Variants in GRIA1 observed in about 807,000 individuals in gnomAD.
GRIA1 encodes glutamate ionotropic receptor AMPA type subunit 1.
A neutral mutation model predicts 99.2 loss-of-function variants in GRIA1; 31 were observed. The observed-to-expected ratio is 0.31, with a 90% CI of 0.23 to 0.42. The LOEUF (loss-of-function observed/expected upper bound fraction) is 0.42, where lower values mean the gene tolerates loss of function less well. GRIA1 is among the 10% of genes least tolerant of loss of function. The pLI is 1.00. For missense variants in GRIA1, 782 were observed against 1,157.5 expected (o/e 0.68, Z 4.71); for synonymous variants, 438 against 432.4 (o/e 1.01, Z -0.16).
At chr5:153,656,496 T>C (rs1754974997) in intron 5 of GRIA1, among the ~76,000 whole-genome samples, 1 of 150,676 alleles carries the variant, frequency 6.6e-6, no homozygotes, top group African/African-American at 2.4e-5. Context: ...AAATCATTTT[T>C]TGTATATATT....
intron 2 of GRIA1, among the ~76,000 whole-genome samples, chr5:153,518,606 G>A (rs1050654483): frequency 6.6e-6 from 1 of 152,168 alleles, no homozygotes; most frequent in African/African-American, 2.4e-5. Context: ...GTATGATAAT[G>A]TATATTATTA....
intron 2 of GRIA1, among the ~76,000 whole-genome samples, chr5:153,522,056 T>C (rs560207961): frequency 2.0e-5 from 3 of 152,370 alleles, no homozygotes; most frequent in Admixed American, 1.3e-4. Context: ...GAGAAAGTGA[T>C]CCTGTAATTA....
intron 2 of GRIA1, among the ~76,000 whole-genome samples, chr5:153,550,618 A>G (rs1039760541): frequency 1.3e-5 from 2 of 152,146 alleles, no homozygotes; most frequent in Non-Finnish European, 2.9e-5. Context: ...TCTTCCTTCA[A>G]TATCAAGGTA....
intron 2 of GRIA1, among the ~76,000 whole-genome samples, chr5:153,547,094 G>A (rs529482839): frequency 7.2e-5 from 11 of 152,274 alleles, no homozygotes; most frequent in Non-Finnish European, 7.4e-5. Context: ...GCCTCAGGCC[G>A]CATGCAGCCC....
intron 11 of GRIA1, among the ~76,000 whole-genome samples, chr5:153,738,809 G>T (rs1007447088): frequency 7.3e-6 from 1 of 136,248 alleles, no homozygotes; most frequent in African/African-American, 2.8e-5. Context: ...CGCAACCTCC[G>T]CCTCCCAGGT....
At chr5:153,726,301 C>T (rs913676270) in intron 11 of GRIA1, among the ~76,000 whole-genome samples, 8 of 148,664 alleles carry the variant, frequency 5.4e-5, no homozygotes, top group African/African-American at 1.5e-4. Context: ...AAGATCCAAA[C>T]TTCACACCCT....
At chr5:153,638,097 T>C (rs1434430623) in intron 2 of GRIA1, among the ~76,000 whole-genome samples, 1 of 152,204 alleles carries the variant, frequency 6.6e-6, no homozygotes, top group Non-Finnish European at 1.5e-5. Flanking sequence ...TTAAAATAGG[T>C]AAATGACTTG....
intron 2 of GRIA1, among the ~76,000 whole-genome samples, chr5:153,586,389 A>G (rs1763485816): frequency 6.6e-6 from 1 of 152,244 alleles, no homozygotes; most frequent in Non-Finnish European, 1.5e-5. Context: ...TTCACCGAGT[A>G]AGGAGACTAA....
rs765944099 is a variant in GRIA1 at position 153,646,956 on chromosome 5, T to C, written c.249T>C (p.Tyr83=). The C allele has an allele frequency of 9.3e-6, 15 of 1,613,722 alleles. No individual in the cohort carries two copies. The Admixed American group carries it at 1.2e-4, about 13-fold the overall frequency. Residue 83 remains tyrosine, a synonymous_variant, in exon 3 of 16, where the codon TAT becomes TAC. Coordinates refer to ENST00000285900, the MANE Select transcript of GRIA1 (RefSeq NM_000827.4). ...GTTCCCAGTTCTCCAAAGGAGTCTATGCCATCTTTGGGTTTTATGAACGTA... is the reference window on the plus strand; with the variant it reads ...GTTCCCAGTTCTCCAAAGGAGTCTACGCCATCTTTGGGTTTTATGAACGTA... ...RFCSQFSKGV[Y]AIFGFYERRT... is the part of the protein sequence containing the mutation.
At chr5:153,722,858 T>A (rs1760179643) in intron 11 of GRIA1, among the ~76,000 whole-genome samples, 2 of 152,164 alleles carry the variant, frequency 1.3e-5, no homozygotes, top group South Asian at 4.2e-4. Flanking sequence ...TTCTGTTGGA[T>A]TAGCAATGAT....
chr5:153,776,028 G>A (rs1764228238), intron 13 of GRIA1, among the ~76,000 whole-genome samples: 1 of 152,160 alleles, frequency 6.6e-6, no homozygotes, highest in Non-Finnish European at 1.5e-5. Context: ...GTCTCTGCAT[G>A]TTTTACTATG....
chr5:153,628,775 TC>T (rs1339163795), intron 2 of GRIA1, among the ~76,000 whole-genome samples: 1 of 152,222 alleles, frequency 6.6e-6, no homozygotes, highest in Non-Finnish European at 1.5e-5. Flanking sequence ...AATTATTGAT[TC>T]CTTTTTATAA....
At chr5:153,706,143 A>G in intron 11 of GRIA1, 76 bp downstream of exon 11, 2 of 686,414 alleles carry the variant, frequency 2.9e-6, no homozygotes, top group South Asian at 4.3e-5. Context: ...TTTTTTAAAT[A>G]CTGAAAAGTA....
intron 8 of GRIA1, among the ~76,000 whole-genome samples, chr5:153,692,613 C>A (rs1419672403): frequency 6.6e-6 from 1 of 152,190 alleles, no homozygotes; most frequent in African/African-American, 2.4e-5. Flanking sequence ...CCAAAGATAT[C>A]TACCGTCTGG....
chr5:153,500,056 C>T (rs1388717198), intron 2 of GRIA1, among the ~76,000 whole-genome samples: 1 of 152,232 alleles, frequency 6.6e-6, no homozygotes, highest in Non-Finnish European at 1.5e-5. Flanking sequence ...TACATTAAGG[C>T]ACACAAGTGT....
intron 2 of GRIA1, among the ~76,000 whole-genome samples, chr5:153,628,507 A>G (rs560075010): frequency 4.1e-4 from 62 of 152,340 alleles, no homozygotes; most frequent in Admixed American, 1.6e-3. Context: ...GTTTAAGTAC[A>G]TGTTCAATAA....
At chr5:153,801,045 G>A (rs1213779922) in intron 14 of GRIA1, among the ~76,000 whole-genome samples, 1 of 152,188 alleles carries the variant, frequency 6.6e-6, no homozygotes, top group Non-Finnish European at 1.5e-5. Flanking sequence ...TATAAACAAA[G>A]GTGTTAGAGC....
chr5:153,494,250 C>T, intron 2 of GRIA1, 185 bp downstream of exon 2: 1 of 594,942 alleles, frequency 1.7e-6, no homozygotes, highest in Admixed American at 3.1e-5. Flanking sequence ...TTAGCCCCTG[C>T]AATGCTTCAT....
At chr5:153,639,291 G>A (rs558538913) in intron 2 of GRIA1, among the ~76,000 whole-genome samples, 30 of 152,276 alleles carry the variant, frequency 2.0e-4, no homozygotes, top group Admixed American at 6.5e-4. Flanking sequence ...ATGAAGTGCC[G>A]GATACCTTAG....
Sources: gnomAD v4.1 joint callset for allele counts (sites outside exome capture counted in the v4.1 genomes callset) on GRCh38, gnomAD v4.1.1 for gene constraint, MANE v1.5 for transcripts, NCBI Gene and HGNC (gene_info 2026-07-23, HGNC 2026-07-21) for gene names.